The following SCARF2 variants were observed in gnomAD, a reference collection of about 807,000 sequenced individuals.
SCARF2 encodes scavenger receptor class F member 2.
Under a neutral mutation model 73.4 loss-of-function variants are expected in SCARF2, and 39 were observed. The ratio of observed to expected loss-of-function variants is 0.53; its 90% CI spans 0.41 to 0.69. The LOEUF is 0.69. SCARF2 is among the 30% of genes least tolerant of loss of function. The probability of loss-of-function intolerance (pLI) is 0.00; values close to 1 mark genes in which losing one functional copy is unlikely to be tolerated. For missense variants in SCARF2, 1,148 were observed against 1,303.5 expected, an observed-to-expected ratio of 0.88 and a Z score of 1.84; for synonymous variants, 605 against 590.0, an observed-to-expected ratio of 1.03 and a Z score of -0.37.
chr22:20,432,771 C>T (rs934975093), intron 1 of SCARF2, among the ~76,000 whole-genome samples: 3 of 152,230 alleles, frequency 2.0e-5, no homozygotes, highest in African/African-American at 7.2e-5. Context: ...GGCTGGAGTG[C>T]AGTGGCACGA....
chr22:20,430,314 G>A, intron 6 of SCARF2, 115 bp downstream of exon 6: 1 of 1,294,676 alleles, frequency 7.7e-7, no homozygotes, highest in Non-Finnish European at 1.1e-6. Context: ...GCTGGGGTAA[G>A]GGACCAAGGC....
Position 20,437,795 on chromosome 22 carries a change from C to A in SCARF2, c.-41G>T, listed in dbSNP as rs2052720311. ...CGCGGGGCGGGCACGGGCGCGGGTG[C>A]GGCCGCAGCGAGAGCGGCCGGAAGC... On this transcript the variant is annotated 5_prime_UTR_variant, in exon 1 of 11. Coordinates refer to ENST00000622235, the MANE Select transcript of SCARF2 (RefSeq NM_182895.5). The A allele has an allele frequency of 2.3e-6, 2 of 854,426 alleles. No individual in the cohort carries two copies. The highest frequency in any genetic ancestry group is 2.8e-6 in the Non-Finnish European group (2 of 711,130). The allele number at this position is 854,426 out of a possible 1,614,324, so 52.9% of individuals were successfully genotyped here. A position where few individuals can be genotyped will look rare whatever the true frequency, so the allele number is the denominator to read the frequency against.
intron 1 of SCARF2, among the ~76,000 whole-genome samples, 193 bp from the exon 2 acceptor site, chr22:20,432,181 GA>G (rs1231957617): frequency 2.6e-5 from 4 of 152,094 alleles, no homozygotes; most frequent in African/African-American, 9.7e-5. Flanking sequence ...TCACCGCCAA[GA>G]ACTTTCCAGC....
Position 20,429,439 on chromosome 22 carries a change from T to G in SCARF2, c.1424+97A>C, listed in dbSNP as rs2052616770. 6.4e-7 allele frequency: 1 copy of G among 1,565,888 alleles called. No homozygotes were observed. Among genetic ancestry groups the G allele is most frequent in the Admixed American group, 1.9e-5 (1 of 53,806 alleles). ...CAAGCACAGAAGGGGCGGGGCCACG[T>G]CCGGGGCAGGGGCGCGGAAGGGTTG... On this transcript the variant is annotated intron_variant, in intron 8 of 10. Coordinates refer to ENST00000622235, the MANE Select transcript of SCARF2 (RefSeq NM_182895.5). The surrounding 1 kb of genome is among the most constrained non-coding windows in gnomAD (Gnocchi z 5.2).
chr22:20,429,503 C>A lies in SCARF2; in HGVS notation c.1424+33G>T. The stretch of plus-strand genomic sequence containing the variant: ...TGGCACCCAGAGGGTGCGGCCTGAA[C>A]CCAGGCGAAAGCGGGGCAGTATCTG... On this transcript the variant is annotated intron_variant, in intron 8 of 10. Transcript: ENST00000622235. The surrounding 1 kb of genome is among the most constrained non-coding windows in gnomAD (Gnocchi z 5.2). 6.2e-7 allele frequency: 1 copy of A among 1,609,192 alleles called. No individual in the cohort carries two copies. Among genetic ancestry groups the A allele is most frequent in the Non-Finnish European group, 8.5e-7 (1 of 1,178,816 alleles).
rs571932903 is a variant in SCARF2 at position 20,429,558 on chromosome 22, G to A, written c.1402C>T (p.Arg468Cys). 6.2e-7 allele frequency: 1 copy of A among 1,613,044 alleles called. No individual in the cohort carries two copies. Among genetic ancestry groups the A allele is most frequent in the Non-Finnish European group, 8.5e-7 (1 of 1,179,784 alleles). ...LSLLGCCCAC[R>C]GKDPTRRELS... The stretch of plus-strand genomic sequence containing the variant: ...CACCGGCGCGTAGGGTCCTTGCCGC[G>A]GCAAGCGCAGCAGCAGCCGAGCAGC... The change falls in exon 8 of 11, where the codon CGC becomes TGC. Residue 468 changes from arginine to cysteine, a missense_variant. Around this residue, in one of 5 missense-constraint regions of SCARF2, gnomAD observed 437 missense variants for 433.6 expected, o/e 1.01. Transcript: ENST00000622235. The surrounding 1 kb of genome is among the most constrained non-coding windows in gnomAD (Gnocchi z 5.2).
At position 20,429,932 on chromosome 22, in the gene SCARF2, C is replaced by T; in HGVS notation, c.1203-99G>A. On this transcript the variant is annotated intron_variant, in intron 6 of 10. Coordinates refer to ENST00000622235, the MANE Select transcript of SCARF2 (RefSeq NM_182895.5). The surrounding 1 kb of genome is among the most constrained non-coding windows in gnomAD (Gnocchi z 5.2). ...GGCCAGGGCCCAGGGTCCAGGGTCC[C>T]AGAACCGGGCTCTCTCTCGCTGCAT... The T allele has an allele frequency of 8.6e-7, 1 of 1,162,126 alleles. No individual in the cohort carries two copies. 72.0% of individuals were successfully genotyped at this position (1,162,126 alleles called of 1,614,324 possible). A position where few individuals can be genotyped will look rare whatever the true frequency, so the allele number is the denominator to read the frequency against.
chr22:20,427,217 G>A (rs2052588571), intron 10 of SCARF2, among the ~76,000 whole-genome samples, 181 bp downstream of exon 10: 1 of 152,188 alleles, frequency 6.6e-6, no homozygotes, highest in African/African-American at 2.4e-5. Context: ...CCTGTCTCCG[G>A]TACTGAGCAG....
At position 20,425,229 on chromosome 22, in the gene SCARF2, G is replaced by A; in HGVS notation, c.*146C>T. 2 of 613,878 alleles carry A rather than the reference G, an allele frequency of 3.3e-6. No individual in the cohort carries two copies. The highest frequency in any genetic ancestry group is 3.5e-5 in the East Asian group (1 of 28,788). 38.0% of individuals were successfully genotyped at this position (613,878 alleles called of 1,614,324 possible). On this transcript the variant is annotated 3_prime_UTR_variant, in exon 11 of 11. Transcript: ENST00000622235. The surrounding 1 kb of genome is among the most constrained non-coding windows in gnomAD (Gnocchi z 4.6). ...CTGCTCCAATCCAGGAGCGGCTGCAGGACCTGAGCCAATGAGACGCAACCT... is the reference window on the plus strand; with the variant it reads ...CTGCTCCAATCCAGGAGCGGCTGCAAGACCTGAGCCAATGAGACGCAACCT...
Position 20,430,455 on chromosome 22 carries a change from C to G in SCARF2, c.1176G>C (p.Leu392=). The change falls in exon 6 of 11, where the codon CTG becomes CTC. Residue 392 remains leucine, a synonymous_variant. Coordinates refer to ENST00000622235, the MANE Select transcript of SCARF2 (RefSeq NM_182895.5). ...GGGGCCCGTGGACGCCAGGGCTGCA[C>G]AGGCAGCGCCCCGACTGGAAGTCGC... ...GHCDFQSGRC[L]CSPGVHGPHC... 6.3e-7 allele frequency: 1 copy of G among 1,593,098 alleles called. No homozygotes were observed. Among genetic ancestry groups the G allele is most frequent in the Non-Finnish European group, 8.5e-7 (1 of 1,170,650 alleles).
In SCARF2 at chr22:20,431,371, G is replaced by A; in HGVS notation, c.501C>T (p.Ser167=). ...AGCCGGGCTCACAGCGGCACGCGCC[G>A]CTCCGCGGGTGGCACGTGCCGTGCT... The part of the protein sequence containing the change: ...QCQHGTCHPR[S]GACRCEPGWW... The change falls in exon 4 of 11, where the codon AGC becomes AGT. Residue 167 remains serine, a synonymous_variant. Transcript: ENST00000622235. 4.0e-6 allele frequency: 6 copies of A among 1,516,894 alleles called. No individual in the cohort carries two copies. The highest frequency in any genetic ancestry group is 1.2e-5 in the South Asian group (1 of 82,260). 94.0% of individuals were successfully genotyped at this position (1,516,894 alleles called of 1,614,324 possible). A position where few individuals can be genotyped will look rare whatever the true frequency, so the allele number is the denominator to read the frequency against.
Position 20,429,902 on chromosome 22 carries a change from CCCGCGGCCAGGGCCCAGGGT to C in SCARF2, c.1203-89_1203-70del. ...GGATGCCCCCTACCCTCACCCCTCA[CCCGCGGCCAGGGCCCAGGGT>C]CCAGGGTCCCAGAACCGGGCTCTCT... On this transcript the variant is annotated intron_variant, in intron 6 of 10. Coordinates refer to ENST00000622235, the MANE Select transcript of SCARF2 (RefSeq NM_182895.5). The surrounding 1 kb of genome is among the most constrained non-coding windows in gnomAD (Gnocchi z 5.2). The C allele has an allele frequency of 6.7e-7, 1 of 1,502,202 alleles. No homozygotes were observed. The highest frequency in any genetic ancestry group is 2.4e-5 in the East Asian group (1 of 41,474). The allele number at this position is 1,502,202 out of a possible 1,614,324, so 93.1% of individuals were successfully genotyped here. A position where few individuals can be genotyped will look rare whatever the true frequency, so the allele number is the denominator to read the frequency against.
rs1569108103 is a variant in SCARF2 at position 20,429,639 on chromosome 22, T to C, written c.1321A>G (p.Lys441Glu). The C allele has an allele frequency of 6.2e-7, 1 of 1,613,888 alleles. No homozygotes were observed. Among genetic ancestry groups the C allele is most frequent in the South Asian group, 1.1e-5 (1 of 91,082 alleles). ...GACHLETNQRKGVMGAGALLV... is the reference protein window; with the variant it reads ...GACHLETNQREGVMGAGALLV... The stretch of plus-strand genomic sequence containing the variant: ...AGCGCGCCCGCGCCCATCACGCCCT[T>C]GCGCTGGTTGGTTTCTGTAGGGGGT... Residue 441 changes from lysine to glutamate, a missense_variant, in exon 8 of 11, where the codon AAG (lysine) becomes GAG (glutamate). Lys to Glu is a moderately conservative substitution (Grantham distance 56). Around this residue, in one of 5 missense-constraint regions of SCARF2, gnomAD observed 437 missense variants for 433.6 expected, o/e 1.01. Coordinates refer to ENST00000622235, the MANE Select transcript of SCARF2 (RefSeq NM_182895.5). The surrounding 1 kb of genome is among the most constrained non-coding windows in gnomAD (Gnocchi z 5.2).
Position 20,430,528 on chromosome 22 carries a change from T to G in SCARF2, c.1103A>C (p.Tyr368Ser). The G allele has an allele frequency of 6.2e-7, 1 of 1,609,716 alleles. No individual in the cohort carries two copies. Among genetic ancestry groups the G allele is most frequent in the Non-Finnish European group, 8.5e-7 (1 of 1,178,478 alleles). ...RCETKCSNGT[Y>S]GEDCAFVCAD... ...GCACACGAAGGCGCAGTCCTCGCCG[T>G]AAGTGCCATTGCTACACTTGGTCTC... Residue 368 changes from tyrosine (Y) to serine (S), a missense_variant, in exon 6 of 11, where the codon TAC (tyrosine) becomes TCC (serine). Tyr to Ser is a moderately radical substitution (Grantham distance 144). This residue lies in a region of SCARF2 where 372 missense variants were observed against 532.0 expected (regional missense o/e 0.70). Transcript: ENST00000622235.
At position 20,425,463 on chromosome 22, in the gene SCARF2, C is replaced by T. The variant is rs778152234; in HGVS notation, c.2513G>A (p.Arg838Gln). The T allele has an allele frequency of 1.7e-5, 24 of 1,407,062 alleles. No individual in the cohort carries two copies. Among genetic ancestry groups the T allele is most frequent in the Admixed American group, 5.3e-5 (2 of 37,656 alleles). 87.2% of individuals were successfully genotyped at this position (1,407,062 alleles called of 1,614,324 possible). A position where few individuals can be genotyped will look rare whatever the true frequency, so the allele number is the denominator to read the frequency against. The change falls in exon 11 of 11, where the codon CGG becomes CAG. Residue 838 changes from arginine to glutamine, a missense_variant. By Grantham distance (43) the Arg-to-Gln change is conservative (BLOSUM62 1). Coordinates refer to ENST00000622235, the MANE Select transcript of SCARF2 (RefSeq NM_182895.5). This position sits in a 1 kb window ranked among gnomAD's most constrained non-coding sequence, Gnocchi z 4.6. ...ATDLPAPETP[R>Q]KKTPIQKPPR... ...CGGCTTCTGGATGGGGGTCTTCTTCCGGGGGGTCTCAGGCGCGGGCAAGTC... is the reference window on the plus strand; with the variant it reads ...CGGCTTCTGGATGGGGGTCTTCTTCTGGGGGGTCTCAGGCGCGGGCAAGTC...
chr22:20,430,133 G>T (rs2052625962), intron 6 of SCARF2, among the ~76,000 whole-genome samples: 1 of 152,218 alleles, frequency 6.6e-6, no homozygotes, highest in Admixed American at 6.5e-5. Flanking sequence ...AGGGGCTGCT[G>T]AACCAGACCC....
rs749056288 is a variant in SCARF2, at chr22:20,427,473, AT to A, written c.1617del (p.Ser540ProfsTer51). The A allele has an allele frequency of 6.2e-7, 1 of 1,614,004 alleles. No homozygotes were observed. Among genetic ancestry groups the A allele is most frequent in the African/African-American group, 1.3e-5 (1 of 74,934 alleles). On this transcript the variant is annotated frameshift_variant, in exon 10 of 11. Transcript: ENST00000622235. LOFTEE classifies it high-confidence loss of function. ...EPPSGLEQPS[P>X]SWSSRASFSS... Reference sequence around the variant, plus strand: ...GAGAAGGAGGCCCGAGAGGACCAGGATGGTGAGGGCTGCTCCAGCCCTGAGG... The same window carrying A: ...GAGAAGGAGGCCCGAGAGGACCAGGAGGTGAGGGCTGCTCCAGCCCTGAGG...
chr22:20,426,307 C>A, intron 10 of SCARF2, 25 bp from the exon 11 acceptor site: 1 of 1,531,914 alleles, frequency 6.5e-7, no homozygotes, highest in South Asian at 1.2e-5. Flanking sequence ...GCAGGGCGGT[C>A]ACAGCCTTCA....
intron 1 of SCARF2, among the ~76,000 whole-genome samples, chr22:20,437,032 A>C (rs535372526): frequency 6.6e-6 from 1 of 151,978 alleles, no homozygotes; most frequent in African/African-American, 2.4e-5. Flanking sequence ...CTTCTGGTCC[A>C]CTTCGAGCGC....
Sources: gnomAD v4.1 joint callset for allele counts (sites outside exome capture counted in the v4.1 genomes callset) on GRCh38, gnomAD v4.1.1 for gene constraint, gnomAD v4.1.1 regional missense constraint, Gnocchi (gnomAD v3.1) non-coding constraint, MANE v1.5 for transcripts, NCBI Gene and HGNC (gene_info 2026-07-23, HGNC 2026-07-21) for gene names.